Variants in DNAH7 observed in about 807,000 individuals in gnomAD.
DNAH7 encodes the protein dynein axonemal heavy chain 7.
In DNAH7, 397 loss-of-function variants were observed where a neutral mutation model predicts 444.6. The observed-to-expected ratio is 0.89, with a 90% CI of 0.82 to 0.97. DNAH7 has a LOEUF of 0.97. Among genes scored for constraint, DNAH7 ranks in the 50% least tolerant of loss-of-function variants. DNAH7 has a pLI of 0.00. For synonymous variants in DNAH7, 1,636 were observed against 1,624.4 expected (o/e 1.01, Z -0.17); for missense variants, 4,902 against 4,800.8 (o/e 1.02, Z -0.62).
intron 18 of DNAH7, among the ~76,000 whole-genome samples, chr2:195,960,055 C>T (rs1003488748): frequency 9.2e-5 from 14 of 152,150 alleles, no homozygotes; most frequent in Admixed American, 1.3e-4. Flanking sequence ...GCAATGAAGC[C>T]ATTGATTATA....
intron 14 of DNAH7, among the ~76,000 whole-genome samples, chr2:195,986,740 C>G (rs1692937543): frequency 6.6e-6 from 1 of 152,154 alleles, no homozygotes; most frequent in South Asian, 2.1e-4. Context: ...TGTAAATCCA[C>G]TTTGAAACCC....
chr2:195,749,093 A>G (rs1233141467), intron 63 of DNAH7, among the ~76,000 whole-genome samples: 1 of 151,934 alleles, frequency 6.6e-6, no homozygotes, highest in East Asian at 1.9e-4. Context: ...TCATCTGACA[A>G]AGGGCTAATA....
intron 10 of DNAH7, among the ~76,000 whole-genome samples, chr2:196,006,169 C>T (rs995132325): frequency 1.3e-5 from 2 of 151,962 alleles, no homozygotes; most frequent in African/African-American, 4.8e-5. Flanking sequence ...ACAAAATTAG[C>T]TGGGCACATG....
chr2:195,873,582 C>A lies in DNAH7; in HGVS notation c.6399G>T (p.Trp2133Cys), dbSNP rs1484903494. 3 of 1,372,826 alleles carry A rather than the reference C, an allele frequency of 2.2e-6. No homozygotes were observed. Among genetic ancestry groups the A allele is most frequent in the Non-Finnish European group, 2.9e-6 (3 of 1,043,108 alleles). The allele number at this position is 1,372,826 out of a possible 1,614,324, so 85.0% of individuals were successfully genotyped here. The change falls in exon 39 of 65, where the codon TGG becomes TGT. Residue 2133 changes from tryptophan (W) to cysteine (C), a missense_variant. Physicochemically the swap from Trp to Cys is radical, Grantham distance 215. Transcript: ENST00000312428. ...TGATTACTTACCAGATTTCTAAATG[C>A]CAAGTTAAGATTCTAGAGAAGATTG... ...MYTIFSRILT[W>C]HLEICYKFPD... is the part of the protein sequence containing the mutation.
At chr2:196,015,346 C>T (rs1694951691) in intron 9 of DNAH7, among the ~76,000 whole-genome samples, 1 of 151,974 alleles carries the variant, frequency 6.6e-6, no homozygotes, top group Non-Finnish European at 1.5e-5. Flanking sequence ...TACGGTAAAT[C>T]AATTATAGTG....
intron 15 of DNAH7, among the ~76,000 whole-genome samples, chr2:195,979,124 C>T (rs1692394428): frequency 6.6e-6 from 1 of 152,076 alleles, no homozygotes; most frequent in African/African-American, 2.4e-5. Flanking sequence ...ACCAAATAGA[C>T]CTAATAGATA....
intron 61 of DNAH7, among the ~76,000 whole-genome samples, chr2:195,770,866 ATT>A (rs202188677): frequency 0.019 from 2,498 of 133,598 alleles, 63 homozygotes; most frequent in African/African-American, 0.063. Flanking sequence ...AATGCCCAGC[ATT>A]TTTTTTTTTT....
At chr2:195,844,105 C>CCA (rs1559138254) in intron 47 of DNAH7, among the ~76,000 whole-genome samples, 1 of 151,644 alleles carries the variant, frequency 6.6e-6, no homozygotes, top group Admixed American at 6.6e-5. Flanking sequence ...CAAAAAAAAA[C>CCA]AAAAAACCCA....
intron 3 of DNAH7, among the ~76,000 whole-genome samples, chr2:196,048,720 GTGCTCTCT>G (rs1697285351): frequency 6.6e-6 from 1 of 152,200 alleles, no homozygotes; most frequent in African/African-American, 2.4e-5. Flanking sequence ...TTAATGAGAA[GTGCTCTCT>G]GCTGGTCTCC....
At chr2:195,817,919 C>G in intron 49 of DNAH7, 90 bp from the exon 50 acceptor site, 1 of 919,554 alleles carries the variant, frequency 1.1e-6, no homozygotes, top group Non-Finnish European at 1.6e-6. Flanking sequence ...TTAAAATAGA[C>G]TCTATTTACT....
At position 195,936,718 on chromosome 2, in the gene DNAH7, C is replaced by T; in HGVS notation, c.3153G>A (p.Glu1051=). The T allele has an allele frequency of 2.5e-6, 4 of 1,602,486 alleles. No individual in the cohort carries two copies. Among genetic ancestry groups the T allele is most frequent in the East Asian group, 4.5e-5 (2 of 44,408 alleles). The change falls in exon 20 of 65, where the codon GAG becomes GAA. Residue 1051 remains glutamate (E), a synonymous_variant. Coordinates refer to ENST00000312428, the MANE Select transcript of DNAH7 (RefSeq NM_018897.3). ...ERLKKSNELL[E]LILKGLNEYL... is the part of the protein sequence containing the mutation. ...ATTCATTAAGTCCTTTAAGAATGAG[C>T]TCCAAAAGTTCATTAGATTTTTTCA...
chr2:195,935,261 G>A (rs778544055), intron 20 of DNAH7, among the ~76,000 whole-genome samples: 5 of 152,152 alleles, frequency 3.3e-5, no homozygotes, highest in Admixed American at 6.6e-5. Flanking sequence ...AATCAACTGC[G>A]TTGACAGTAT....
intron 24 of DNAH7, among the ~76,000 whole-genome samples, chr2:195,912,564 G>T (rs1687421097): frequency 2.0e-5 from 3 of 152,198 alleles, no homozygotes; most frequent in Non-Finnish European, 2.9e-5. Context: ...AGAGGCTGAA[G>T]CAAAAGCCAC....
At chr2:195,840,724 A>G (rs1036198433) in intron 47 of DNAH7, among the ~76,000 whole-genome samples, 1 of 151,876 alleles carries the variant, frequency 6.6e-6, no homozygotes, top group African/African-American at 2.4e-5. Flanking sequence ...CAATCTTTTA[A>G]GTACCACACA....
chr2:195,861,613 A>G (rs1009191435), intron 42 of DNAH7, 104 bp downstream of exon 42: 13 of 791,432 alleles, frequency 1.6e-5, no homozygotes, highest in Middle Eastern at 7.3e-4. Context: ...AACTTACAGT[A>G]TATTTCTACG....
In DNAH7 at chr2:195,816,735, A is replaced by G. The variant is rs891402956; in HGVS notation, c.9654T>C (p.Ala3218=). The change falls in exon 51 of 65, where the codon GCT becomes GCC. Residue 3218 remains alanine, a synonymous_variant. Transcript: ENST00000312428. ...ACATGGGCTCAATGTTGGCTAAATC[A>G]GCAAGAGAAAAAAATAGGATGGAAG... ...IHSSILFFSL[A]DLANIEPMYQ... 6.2e-7 allele frequency: 1 copy of G among 1,614,238 alleles called. No homozygotes were observed. The highest frequency in any genetic ancestry group is 8.5e-7 in the Non-Finnish European group (1 of 1,180,022).
chr2:195,810,282 A>G (rs1406594960), intron 51 of DNAH7, among the ~76,000 whole-genome samples: 1 of 152,210 alleles, frequency 6.6e-6, no homozygotes, highest in Non-Finnish European at 1.5e-5. Flanking sequence ...TCTTTATTAA[A>G]TTTAGTATTG....
intron 61 of DNAH7, among the ~76,000 whole-genome samples, chr2:195,769,884 G>GACTT (rs1694756027): frequency 6.6e-6 from 1 of 152,010 alleles, no homozygotes; most frequent in African/African-American, 2.4e-5. Context: ...CACCAGCCTT[G>GACTT]ACTTCCCTCT....
At chr2:195,745,865 A>AG (rs1314415944) in intron 63 of DNAH7, among the ~76,000 whole-genome samples, 3 of 152,222 alleles carry the variant, frequency 2.0e-5, no homozygotes, top group African/African-American at 7.2e-5. Flanking sequence ...AAACATGGAA[A>AG]GAACAACCGG....
Sources: gnomAD v4.1 joint callset for allele counts (sites outside exome capture counted in the v4.1 genomes callset) on GRCh38, gnomAD v4.1.1 for gene constraint, MANE v1.5 for transcripts, NCBI Gene and HGNC (gene_info 2026-07-23, HGNC 2026-07-21) for gene names.